The following MALRD1 variants were observed in gnomAD, a reference collection of about 807,000 sequenced individuals.
MALRD1 encodes MAM and LDL receptor class A domain containing 1, also known as MAM and LDL-receptor class A domain-containing protein 1.
A neutral mutation model predicts 242.1 loss-of-function variants in MALRD1; 247 were observed. That is an observed-to-expected ratio of 1.02 (90% CI 0.92 to 1.13). The LOEUF is 1.13. Ranked by LOEUF, MALRD1 falls within the 50% of genes most tolerant of loss-of-function variation. The pLI is 0.00. For missense variants in MALRD1, 2,989 were observed against 2,533.1 expected, an observed-to-expected ratio of 1.18 and a Z score of -3.86; for synonymous variants, 995 against 866.6, an observed-to-expected ratio of 1.15 and a Z score of -2.60.
intron 21 of MALRD1, among the ~76,000 whole-genome samples, chr10:19,312,809 ATTTCC>A (rs1842487123): frequency 2.6e-5 from 4 of 151,476 alleles, no homozygotes; most frequent in African/African-American, 9.7e-5. Context: ...TAGATTTTAA[ATTTCC>A]TTTCAGAAGA....
At chr10:19,437,774 C>T (rs533600283) in intron 28 of MALRD1, among the ~76,000 whole-genome samples, 8 of 152,250 alleles carry the variant, frequency 5.3e-5, no homozygotes, top group African/African-American at 1.4e-4. Context: ...CCCATCGATA[C>T]AGTAATACAT....
chr10:19,108,380 GTTTTTTCTTTTTTTTT>G (rs1836547452), intron 5 of MALRD1, among the ~76,000 whole-genome samples: 1 of 21,280 alleles, frequency 4.7e-5, no homozygotes, highest in Non-Finnish European at 8.1e-5. Flanking sequence ...CTCATGAATT[GTTTTTTCTTTTTTTTT>G]TTTTTTTTTT....
At chr10:19,706,819 G>A (rs1400004128) in intron 38 of MALRD1, among the ~76,000 whole-genome samples, 1 of 152,036 alleles carries the variant, frequency 6.6e-6, no homozygotes, top group East Asian at 1.9e-4. Context: ...TTTGCATTAT[G>A]TTTGACCACA....
chr10:19,356,355 T>C (rs1844638935), intron 26 of MALRD1, among the ~76,000 whole-genome samples: 1 of 152,100 alleles, frequency 6.6e-6, no homozygotes. Context: ...TCTTTTGATG[T>C]TTATGGAAGT....
rs16918349 is a variant in MALRD1 at position 19,204,576 on chromosome 10, C to T, written c.2210+163C>T. Among the ~76,000 whole-genome samples, 863 of 152,110 alleles carry T rather than the reference C, an allele frequency of 5.7e-3. 15 individuals are homozygous for T. Among genetic ancestry groups the T allele is most frequent in the African/African-American group, 0.02 (829 of 41,478 alleles). ...ATATGATTTTAATTTTACCTAGGAGCGTGTTCTCAGTATATGTTGTTTTCT... is the reference window on the plus strand; with the variant it reads ...ATATGATTTTAATTTTACCTAGGAGTGTGTTCTCAGTATATGTTGTTTTCT... On this transcript the variant is annotated intron_variant, in intron 16 of 39. Coordinates refer to ENST00000454679, the MANE Select transcript of MALRD1 (RefSeq NM_001142308.3).
intron 18 of MALRD1, among the ~76,000 whole-genome samples, chr10:19,213,530 C>A (rs1837165958): frequency 6.6e-6 from 1 of 152,184 alleles, no homozygotes; most frequent in African/African-American, 2.4e-5. Flanking sequence ...CTGCGCCCAG[C>A]CTCCTTTAGT....
intron 19 of MALRD1, among the ~76,000 whole-genome samples, chr10:19,263,455 C>G (rs2131825349): frequency 6.6e-6 from 1 of 151,924 alleles, no homozygotes; most frequent in African/African-American, 2.4e-5. Flanking sequence ...AATGTCTATT[C>G]AGGTATTTTG....
chr10:19,666,237 A>T (rs904007245), intron 36 of MALRD1, among the ~76,000 whole-genome samples: 2 of 152,092 alleles, frequency 1.3e-5, no homozygotes, highest in African/African-American at 4.8e-5. Context: ...CTAACCATCC[A>T]TGAGTTTATC....
chr10:19,088,430 A>G (rs548420014), intron 4 of MALRD1, among the ~76,000 whole-genome samples: 1 of 151,962 alleles, frequency 6.6e-6, no homozygotes, highest in South Asian at 2.1e-4. Flanking sequence ...ATTTTAAGGC[A>G]TACTAATATA....
intron 33 of MALRD1, among the ~76,000 whole-genome samples, chr10:19,578,959 T>TTAATC (rs1380305256): frequency 6.6e-6 from 1 of 152,160 alleles, no homozygotes; most frequent in African/African-American, 2.4e-5. Flanking sequence ...CCAACACAAC[T>TTAATC]TAATCTAATC....
At chr10:19,447,065 CACAG>C (rs1181914391) in intron 28 of MALRD1, among the ~76,000 whole-genome samples, 5 of 75,926 alleles carry the variant, frequency 6.6e-5, no homozygotes, top group African/African-American at 1.7e-4. Context: ...CACACACATA[CACAG>C]ACACACACAC....
At chr10:19,145,640 C>G (rs1355622223) in intron 10 of MALRD1, among the ~76,000 whole-genome samples, 1 of 139,804 alleles carries the variant, frequency 7.2e-6, no homozygotes, top group African/African-American at 2.7e-5. Flanking sequence ...GGTGACAGAG[C>G]GAGACTCTGC....
In MALRD1 at chr10:19,128,367, G is replaced by T; in HGVS notation, c.1090G>T (p.Val364Leu). The change falls in exon 8 of 40, where the codon GTA (valine) becomes TTA (leucine). Residue 364 changes from valine (V) to leucine (L), a missense_variant. By Grantham distance (32) the Val-to-Leu change is conservative (BLOSUM62 1). Coordinates refer to ENST00000454679, the MANE Select transcript of MALRD1 (RefSeq NM_001142308.3). Reference sequence around the variant, plus strand: ...TGCAATGGAAAGCAGTGTCCTGAGAGTAAGACTGTATAATAATAAGGTAAG... The same window carrying T: ...TGCAATGGAAAGCAGTGTCCTGAGATTAAGACTGTATAATAATAAGGTAAG... ...YYAMESSVLR[V>L]RLYNNKEEEI... The T allele has an allele frequency of 8.1e-7, 1 of 1,233,036 alleles. No homozygotes were observed. The highest frequency in any genetic ancestry group is 1.0e-6 in the Non-Finnish European group (1 of 987,500). The allele number at this position is 1,233,036 out of a possible 1,614,324, so 76.4% of individuals were successfully genotyped here. A position where few individuals can be genotyped will look rare whatever the true frequency, so the allele number is the denominator to read the frequency against.
rs1589084123 is a variant in MALRD1, at chr10:19,444,367, A to G, written c.4846-5940A>G. Among the ~76,000 whole-genome samples, 3 of 152,160 alleles carry G rather than the reference A, an allele frequency of 2.0e-5. 1 individual carries two copies. Among genetic ancestry groups the G allele is most frequent in the Admixed American group, 2.0e-4 (3 of 15,280 alleles). On this transcript the variant is annotated intron_variant, in intron 28 of 39. Transcript: ENST00000454679. ...CCTGTCATTATGATGTTAGCTGGTTATTTTGCTCGTTAGTTGATGCAGTTT... is the reference window on the plus strand; with the variant it reads ...CCTGTCATTATGATGTTAGCTGGTTGTTTTGCTCGTTAGTTGATGCAGTTT...
chr10:19,095,039 G>GT (rs1229599576), intron 4 of MALRD1, among the ~76,000 whole-genome samples: 7 of 151,850 alleles, frequency 4.6e-5, no homozygotes, highest in Non-Finnish European at 7.4e-5. Flanking sequence ...ACCCAAGTTG[G>GT]TTTTTTTATC....
intron 36 of MALRD1, among the ~76,000 whole-genome samples, chr10:19,671,128 A>T: frequency 6.6e-6 from 1 of 152,108 alleles, no homozygotes; most frequent in Non-Finnish European, 1.5e-5. Flanking sequence ...TCTAAAAGAT[A>T]TTTTAGCATA....
At chr10:19,171,841 T>C (rs942378246) in intron 13 of MALRD1, among the ~76,000 whole-genome samples, 3 of 144,734 alleles carry the variant, frequency 2.1e-5, no homozygotes, top group African/African-American at 5.0e-5. Flanking sequence ...TATATACACA[T>C]ATATACACAT....
chr10:19,383,908 C>T (rs1415252735), intron 26 of MALRD1, among the ~76,000 whole-genome samples: 1 of 151,642 alleles, frequency 6.6e-6, no homozygotes, highest in Non-Finnish European at 1.5e-5. Context: ...GCGGTGAGTG[C>T]TATGATATGG....
intron 2 of MALRD1, among the ~76,000 whole-genome samples, chr10:19,081,375 C>T (rs1287312895): frequency 6.6e-6 from 1 of 152,046 alleles, no homozygotes; most frequent in Non-Finnish European, 1.5e-5. Flanking sequence ...AAATGCCCAT[C>T]AATGATAGAC....
Sources: gnomAD v4.1 joint callset for allele counts (sites outside exome capture counted in the v4.1 genomes callset) on GRCh38, gnomAD v4.1.1 for gene constraint, MANE v1.5 for transcripts, NCBI Gene and HGNC (gene_info 2026-07-23, HGNC 2026-07-21) for gene names.